The following APCDD1L variants were observed in gnomAD, a reference collection of about 807,000 sequenced individuals.
The protein encoded by APCDD1L is APC down-regulated 1 like, also known as protein APCDD1-like.
A neutral mutation model predicts 24.2 loss-of-function variants in APCDD1L; 21 were observed. The ratio of observed to expected loss-of-function variants is 0.87; its 90% CI spans 0.61 to 1.25. APCDD1L has a LOEUF of 1.25. Among genes scored for constraint, APCDD1L ranks in the 50% most tolerant of loss-of-function variants. The pLI is 0.00. For missense variants in APCDD1L, 704 were observed against 711.7 expected, an observed-to-expected ratio of 0.99 and a Z score of 0.12; for synonymous variants, 321 against 323.6, an observed-to-expected ratio of 0.99 and a Z score of 0.09.
At position 58,515,014 on chromosome 20, in the gene APCDD1L, C is replaced by A. The variant is rs1008263254; in HGVS notation, c.-307G>T. 7 of 294,986 alleles carry A rather than the reference C, an allele frequency of 2.4e-5. No individual in the cohort carries two copies. The highest frequency in any genetic ancestry group is 1.6e-4 in the Admixed American group (3 of 19,194). The allele number at this position is 294,986 out of a possible 1,614,324, so 18.3% of individuals were successfully genotyped here. ...GGTGCAGCTCCTGCCATTCAGACCC[C>A]CAGCCCTCCCCCAGATGTCCGTCCC... On this transcript the variant is annotated 5_prime_UTR_variant, in exon 1 of 4. Coordinates refer to ENST00000371149, the MANE Select transcript of APCDD1L (RefSeq NM_153360.3).
intron 1 of APCDD1L, among the ~76,000 whole-genome samples, chr20:58,491,835 G>A (rs532697491): frequency 3.3e-5 from 5 of 152,322 alleles, no homozygotes; most frequent in African/African-American, 9.6e-5. Flanking sequence ...TTGAAAACTC[G>A]AGTAACTGTA....
In APCDD1L at chr20:58,460,997, G is replaced by A. The variant is rs773258360; in HGVS notation, c.1299C>T (p.Thr433=). 4.7e-5 allele frequency: 76 copies of A among 1,614,012 alleles called. No homozygotes were observed. The highest frequency in any genetic ancestry group is 6.7e-5 in the East Asian group (3 of 44,880). The change falls in exon 4 of 4, where the codon ACC becomes ACT. Residue 433 remains threonine (T), a synonymous_variant. Coordinates refer to ENST00000371149, the MANE Select transcript of APCDD1L (RefSeq NM_153360.3). This position sits in a 1 kb window ranked among gnomAD's most constrained non-coding sequence, Gnocchi z 4.2. ...CTGGGGTATCGGGACTTGAGCCATC[G>A]GTGGGCCTTTGTCCGATGAAGAGCA... ...QSLLFIGQRP[T]DGSSPDTPEK...
chr20:58,460,648 C>G lies in APCDD1L; in HGVS notation c.*142G>C. 1 of 1,124,768 alleles carries G rather than the reference C, an allele frequency of 8.9e-7. No homozygotes were observed. The highest frequency in any genetic ancestry group is 2.4e-5 in the South Asian group (1 of 40,824). The allele number at this position is 1,124,768 out of a possible 1,614,324, so 69.7% of individuals were successfully genotyped here. On this transcript the variant is annotated 3_prime_UTR_variant, in exon 4 of 4. Transcript: ENST00000371149. The surrounding 1 kb of genome is among the most constrained non-coding windows in gnomAD (Gnocchi z 4.2). ...CTCATGTCCTGAGCCACATGGGACACAGGCAGAGTTTGGAAGCAGTGGGGC... is the reference window on the plus strand; with the variant it reads ...CTCATGTCCTGAGCCACATGGGACAGAGGCAGAGTTTGGAAGCAGTGGGGC...
chr20:58,466,125 CAAAAA>C (rs35123325), intron 3 of APCDD1L, among the ~76,000 whole-genome samples: 1 of 120,438 alleles, frequency 8.3e-6, no homozygotes, highest in Non-Finnish European at 1.7e-5. Flanking sequence ...GCTCATCTGG[CAAAAA>C]AAAAAAAAAA....
chr20:58,493,866 C>T (rs1160818508), intron 1 of APCDD1L, among the ~76,000 whole-genome samples: 2 of 152,116 alleles, frequency 1.3e-5, no homozygotes, highest in East Asian at 3.8e-4. Context: ...CACCAGTGCC[C>T]CACACAGTTG....
chr20:58,467,224 T>C lies in APCDD1L; in HGVS notation c.623A>G (p.Gln208Arg). The C allele has an allele frequency of 6.2e-7, 1 of 1,600,154 alleles. No homozygotes were observed. The highest frequency in any genetic ancestry group is 8.5e-7 in the Non-Finnish European group (1 of 1,177,798). Reference protein sequence around the residue: ...LVRVQRRLQPQPRASPRLVEE... With the variant: ...LVRVQRRLQPRPRASPRLVEE... ...CACCAGCCGGGGCGACGCCCGGGGC[T>C]GCGGCTGCAGGCGGCGCTGCACGCG... Residue 208 changes from glutamine to arginine, a missense_variant, in exon 3 of 4, where the codon CAG becomes CGG. By Grantham distance (43) the Gln-to-Arg change is conservative. Transcript: ENST00000371149. The surrounding 1 kb of genome is among the most constrained non-coding windows in gnomAD (Gnocchi z 5.9).
rs576485029 is a variant in APCDD1L, at chr20:58,497,677, G to T, written c.49+16982C>A. On this transcript the variant is annotated intron_variant, in intron 1 of 3. Coordinates refer to ENST00000371149, the MANE Select transcript of APCDD1L (RefSeq NM_153360.3). This position sits in a 1 kb window ranked among gnomAD's most constrained non-coding sequence, Gnocchi z 4.3. The stretch of plus-strand genomic sequence containing the variant: ...CTGAATGGCCTCATTTTAACTTGAT[G>T]ACCTCTGCAAAGACCCTGTCTCTAA... 3.3e-5 allele frequency among the ~76,000 whole-genome samples: 5 copies of T among 152,242 alleles called. No individual in the cohort carries two copies. Among genetic ancestry groups the T allele is most frequent in the African/African-American group, 1.2e-4 (5 of 41,536 alleles).
rs1990261918 is a variant in APCDD1L, at chr20:58,493,393, A to G, written c.49+21266T>C. ...TCTAGCACATTTACACCCAGCAACA[A>G]GTCCAAGAAGGTTCCTAAGAGCCTT... On this transcript the variant is annotated intron_variant, in intron 1 of 3. Coordinates refer to ENST00000371149, the MANE Select transcript of APCDD1L (RefSeq NM_153360.3). Among the ~76,000 whole-genome samples the G allele has an allele frequency of 2.6e-5, 4 of 152,246 alleles. No individual in the cohort carries two copies. In the South Asian group the frequency reaches 6.2e-4, roughly 24 times the overall value.
chr20:58,481,794 G>A (rs978001145), intron 1 of APCDD1L, among the ~76,000 whole-genome samples: 7 of 152,192 alleles, frequency 4.6e-5, no homozygotes, highest in African/African-American at 1.4e-4. Flanking sequence ...CAGTCCTTGC[G>A]GAAGAAGGAG....
In APCDD1L at chr20:58,467,628, C is replaced by G; in HGVS notation, c.219G>C (p.Leu73=). Residue 73 remains leucine, a synonymous_variant, in exon 3 of 4, where the codon CTG becomes CTC. Coordinates refer to ENST00000371149, the MANE Select transcript of APCDD1L (RefSeq NM_153360.3). This position sits in a 1 kb window ranked among gnomAD's most constrained non-coding sequence, Gnocchi z 5.9. ...GCEVRPGPEF[L]TRAYTFYPSR... ...TGGGGTAGAAGGTGTAGGCGCGGGT[C>G]AGGAACTCCGGTCCTGGGCGCACCT... The G allele has an allele frequency of 6.6e-7, 1 of 1,520,298 alleles. No homozygotes were observed. Among genetic ancestry groups the G allele is most frequent in the Non-Finnish European group, 8.9e-7 (1 of 1,129,248 alleles). 94.2% of individuals were successfully genotyped at this position (1,520,298 alleles called of 1,614,324 possible).
At chr20:58,469,634 C>T (rs1989774686) in intron 2 of APCDD1L, among the ~76,000 whole-genome samples, 1 of 152,240 alleles carries the variant, frequency 6.6e-6, no homozygotes, top group South Asian at 2.1e-4. Context: ...GCCTGGATCT[C>T]CCCTGGACTG....
At chr20:58,504,936 C>T (rs1990505574) in intron 1 of APCDD1L, among the ~76,000 whole-genome samples, 1 of 152,212 alleles carries the variant, frequency 6.6e-6, no homozygotes, top group South Asian at 2.1e-4. Context: ...ACATTTCTAA[C>T]CAGCCTCTCT....
chr20:58,478,694 G>A (rs1209912644), intron 1 of APCDD1L, among the ~76,000 whole-genome samples: 4 of 152,206 alleles, frequency 2.6e-5, no homozygotes, highest in African/African-American at 7.2e-5. Flanking sequence ...ATAGCAGCAC[G>A]TGTGTGACTT....
At chr20:58,505,407 C>T (rs945409800) in intron 1 of APCDD1L, among the ~76,000 whole-genome samples, 3 of 152,138 alleles carry the variant, frequency 2.0e-5, no homozygotes, top group African/African-American at 4.8e-5. Flanking sequence ...AATATCCTCC[C>T]ATGTCAGTCC....
intron 1 of APCDD1L, among the ~76,000 whole-genome samples, chr20:58,485,294 CAA>C (rs995808109): frequency 6.6e-6 from 1 of 152,154 alleles, no homozygotes; most frequent in African/African-American, 2.4e-5. Context: ...TAGATTTGGC[CAA>C]ATTGTCCTCC....
At chr20:58,465,634 A>G (rs1252011218) in intron 3 of APCDD1L, among the ~76,000 whole-genome samples, 2 of 152,224 alleles carry the variant, frequency 1.3e-5, no homozygotes, top group Non-Finnish European at 2.9e-5. Context: ...TGCCTTGTAC[A>G]GAAGTTTTTC....
rs375395590 is a variant in APCDD1L, at chr20:58,479,852, G to A, written c.50-9105C>T. ...CCATTAAGCTTCAGAGACCGGCTGT[G>A]GAAATGGAGCCATTCCAGCACTGCT... On this transcript the variant is annotated intron_variant, in intron 1 of 3. Transcript: ENST00000371149. Among the ~76,000 whole-genome samples the A allele has an allele frequency of 4.7e-4, 71 of 152,294 alleles. 1 individual carries two copies. The East Asian group carries it at 0.013, about 28-fold the overall frequency.
intron 1 of APCDD1L, among the ~76,000 whole-genome samples, chr20:58,473,218 G>C (rs1179910496): frequency 6.6e-6 from 1 of 152,090 alleles, no homozygotes; most frequent in Non-Finnish European, 1.5e-5. Flanking sequence ...ATGTTTTTCT[G>C]TTCAAAAGAA....
chr20:58,476,774 C>T (rs1195365603), intron 1 of APCDD1L, among the ~76,000 whole-genome samples: 2 of 152,182 alleles, frequency 1.3e-5, no homozygotes, highest in African/African-American at 4.8e-5. Flanking sequence ...CCAGATCATC[C>T]ACCCCATCCC....
Sources: allele counts gnomAD v4.1 joint callset (sites outside exome capture counted in the v4.1 genomes callset), GRCh38; gene constraint gnomAD v4.1.1; non-coding constraint Gnocchi (gnomAD v3.1); transcripts MANE v1.5; gene names NCBI Gene and HGNC (gene_info 2026-07-23, HGNC 2026-07-21).